CXADR: variants seen among roughly 807,000 people sequenced by gnomAD.
CXADR encodes CXADR cell adhesion molecule.
A neutral mutation model predicts 40.3 loss-of-function variants in CXADR; 20 were observed. That is an observed-to-expected ratio of 0.50 (90% CI 0.35 to 0.72). The LOEUF is 0.72. Ranked by LOEUF, CXADR falls within the 30% of genes least tolerant of loss-of-function variation. The pLI is 0.01. For missense variants in CXADR, 332 were observed against 449.1 expected (o/e 0.74, Z 2.36); for synonymous variants, 150 against 161.3 (o/e 0.93, Z 0.53).
exon 8 of CXADR, chr21:17,593,364 A>C (rs1050474592): frequency 7.3e-6 from 4 of 544,416 alleles, no homozygotes; most frequent in Non-Finnish European, 1.1e-5. Flanking sequence ...ATGTCATGTC[A>C]AAATTAGTAC....
At chr21:17,581,930 T>C (rs2123382426) in intron 7 of CXADR, among the ~76,000 whole-genome samples, 2 of 360 alleles carry the variant, frequency 5.6e-3, no homozygotes, top group South Asian at 0.059. Flanking sequence ...AGTTTGTTTG[T>C]TTGTTTGTTT....
intron 2 of CXADR, among the ~76,000 whole-genome samples, chr21:17,548,664 G>T (rs558474095): frequency 2.0e-5 from 3 of 152,232 alleles, no homozygotes; most frequent in African/African-American, 7.2e-5. Context: ...TGGGTCTTCC[G>T]TGCTTCTGCT....
intron 7 of CXADR, among the ~76,000 whole-genome samples, chr21:17,591,087 C>A (rs2061431594): frequency 6.6e-6 from 1 of 151,936 alleles, no homozygotes; most frequent in South Asian, 2.1e-4. Context: ...TGATAATGAA[C>A]CTTCTTACAA....
the CXADR span, among the ~76,000 whole-genome samples, chr21:17,615,245 A>G: frequency 6.6e-6 from 1 of 152,206 alleles, no homozygotes; most frequent in African/African-American, 2.4e-5. Context: ...TACCTTCACC[A>G]GACACTGGAT....
chr21:17,516,776 A>G (rs2060466982), intron 1 of CXADR, among the ~76,000 whole-genome samples: 1 of 151,208 alleles, frequency 6.6e-6, no homozygotes, highest in Non-Finnish European at 1.5e-5. Flanking sequence ...GTTAATAACA[A>G]TGTATTATAT....
chr21:17,517,782 G>T (rs1292750295), intron 1 of CXADR, among the ~76,000 whole-genome samples: 2 of 152,154 alleles, frequency 1.3e-5, no homozygotes, highest in Non-Finnish European at 2.9e-5. Flanking sequence ...CTCAAGCTAG[G>T]TGGAAGATGA....
intron 1 of CXADR, among the ~76,000 whole-genome samples, chr21:17,541,583 A>G (rs952502593): frequency 3.5e-5 from 5 of 144,864 alleles, no homozygotes; most frequent in Non-Finnish European, 6.0e-5. Context: ...TGTTCCACCT[A>G]TTCTCCTCTT....
intron 1 of CXADR, among the ~76,000 whole-genome samples, 168 bp downstream of exon 1, chr21:17,513,340 C>T (rs2060415717): frequency 6.6e-6 from 1 of 151,964 alleles, no homozygotes; most frequent in African/African-American, 2.4e-5. Context: ...TTTGCTGGGC[C>T]GGGCGCTCCT....
At chr21:17,539,408 A>G (rs1483038460) in intron 1 of CXADR, among the ~76,000 whole-genome samples, 1 of 152,240 alleles carries the variant, frequency 6.6e-6, no homozygotes. Flanking sequence ...TTACCTAAAC[A>G]GACTTCTTCC....
chr21:17,614,741 TA>T, the CXADR span, among the ~76,000 whole-genome samples: 3 of 151,884 alleles, frequency 2.0e-5, no homozygotes, highest in African/African-American at 7.3e-5. Context: ...AGACTCTGTC[TA>T]AAAAAAGAAA....
downstream of CXADR, among the ~76,000 whole-genome samples, chr21:17,571,338 C>T (rs2061275866): frequency 6.6e-6 from 1 of 152,154 alleles, no homozygotes; most frequent in African/African-American, 2.4e-5. Flanking sequence ...TTGTATTTAT[C>T]CTTGATAGCT....
downstream of CXADR, among the ~76,000 whole-genome samples, chr21:17,595,481 T>G (rs992424133): frequency 6.6e-6 from 1 of 151,982 alleles, no homozygotes; most frequent in Admixed American, 6.6e-5. Context: ...TTTAGAGATA[T>G]TCTATCCACA....
chr21:17,567,862 C>T lies in CXADR; in HGVS notation c.*2170C>T, dbSNP rs2061231471. ...GTGGACACGTATAAGACTTTCCTTC[C>T]TTTTTTTTTTTAATAACATATGAGG... On this transcript the variant is annotated 3_prime_UTR_variant, in exon 7 of 7. Transcript: ENST00000284878. 2 of 821,702 alleles carry T rather than the reference C, an allele frequency of 2.4e-6. No homozygotes were observed. The highest frequency in any genetic ancestry group is 2.9e-6 in the Non-Finnish European group (2 of 684,434). The allele number at this position is 821,702 out of a possible 1,614,324, so 50.9% of individuals were successfully genotyped here.
intron 1 of CXADR, among the ~76,000 whole-genome samples, chr21:17,546,593 C>T (rs887952311): frequency 6.6e-6 from 1 of 152,126 alleles, no homozygotes; most frequent in African/African-American, 2.4e-5. Flanking sequence ...GGGGGAAATC[C>T]ACCCCCATGA....
intron 7 of CXADR, among the ~76,000 whole-genome samples, chr21:17,590,834 T>C (rs1393754225): frequency 6.6e-6 from 1 of 152,070 alleles, no homozygotes; most frequent in African/African-American, 2.4e-5. Flanking sequence ...TGGTACAGTT[T>C]GCTTTGTCAT....
At chr21:17,579,286 T>C (rs1387073321) in intron 7 of CXADR, among the ~76,000 whole-genome samples, 3 of 84,796 alleles carry the variant, frequency 3.5e-5, no homozygotes, top group Non-Finnish European at 5.3e-5. Flanking sequence ...CTTTCTTCTC[T>C]TTTCTTTTTT....
chr21:17,571,549 A>T (rs1177089264), downstream of CXADR, among the ~76,000 whole-genome samples: 1 of 152,226 alleles, frequency 6.6e-6, no homozygotes, highest in Non-Finnish European at 1.5e-5. Flanking sequence ...CTTATTATTC[A>T]GTAAAAATAG....
chr21:17,540,203 A>G (rs1195306186), intron 1 of CXADR, among the ~76,000 whole-genome samples: 2 of 152,036 alleles, frequency 1.3e-5, no homozygotes, highest in African/African-American at 2.4e-5. Context: ...CTATGGCCTC[A>G]TTTAATCTTA....
chr21:17,594,761 G>T (rs532831419), downstream of CXADR, among the ~76,000 whole-genome samples: 3 of 151,674 alleles, frequency 2.0e-5, no homozygotes, highest in Non-Finnish European at 4.4e-5. Flanking sequence ...ATCAACTACC[G>T]CATGTTCTCA....
Sources: gnomAD v4.1 joint callset for allele counts (sites outside exome capture counted in the v4.1 genomes callset) on GRCh38, gnomAD v4.1.1 for gene constraint, MANE v1.5 for transcripts, NCBI Gene and HGNC (gene_info 2026-07-23, HGNC 2026-07-21) for gene names.